Variants in AKAP6 observed in about 807,000 individuals in gnomAD.
AKAP6 encodes the protein A-kinase anchor protein 6.
In AKAP6, 58 loss-of-function variants were observed where a neutral mutation model predicts 188.5. The ratio of observed to expected loss-of-function variants is 0.31; its 90% CI spans 0.25 to 0.38. AKAP6 has a LOEUF of 0.38. Ranked by LOEUF, AKAP6 falls within the 10% of genes least tolerant of loss-of-function variation. The probability of loss-of-function intolerance (pLI) is 1.00; values close to 1 mark genes in which losing one functional copy is unlikely to be tolerated. For missense variants in AKAP6, 2,710 were observed against 2,740.0 expected (o/e 0.99, Z 0.24); for synonymous variants, 989 against 998.6 (o/e 0.99, Z 0.18).
intron 2 of AKAP6, chr14:32,484,948 G>A: frequency 4.6e-6 from 1 of 217,508 alleles, no homozygotes; most frequent in Non-Finnish European, 6.7e-6. Flanking sequence ...GGCTTCTCCC[G>A]CCTTTTTTTC....
At chr14:32,455,313 A>G (rs1891115995) in intron 2 of AKAP6, among the ~76,000 whole-genome samples, 1 of 152,108 alleles carries the variant, frequency 6.6e-6, no homozygotes, top group Non-Finnish European at 1.5e-5. Flanking sequence ...GATAATACAC[A>G]TATTTAGGTC....
At chr14:32,772,000 C>T (rs2139987537) in intron 11 of AKAP6, among the ~76,000 whole-genome samples, 1 of 151,996 alleles carries the variant, frequency 6.6e-6, no homozygotes, top group South Asian at 2.1e-4. Flanking sequence ...TTTGACTTGC[C>T]CAACAGTCGT....
At chr14:32,817,485 C>G (rs5006079) in intron 12 of AKAP6, among the ~76,000 whole-genome samples, 2,800 of 113,572 alleles carry the variant, frequency 0.025, 35 homozygotes, top group Non-Finnish European at 0.036. Flanking sequence ...GTGTGTGTGT[C>G]TGTGTTTGTG....
At chr14:32,704,652 C>T (rs1407928692) in intron 9 of AKAP6, among the ~76,000 whole-genome samples, 1 of 151,938 alleles carries the variant, frequency 6.6e-6, no homozygotes, top group East Asian at 1.9e-4. Context: ...ACTTTACAGA[C>T]AGCTATGGTA....
intron 1 of AKAP6, among the ~76,000 whole-genome samples, chr14:32,348,884 T>G (rs1214497613): frequency 6.6e-6 from 1 of 152,196 alleles, no homozygotes; most frequent in Non-Finnish European, 1.5e-5. Flanking sequence ...TATTCTTGTG[T>G]GCTGAGGCCA....
At chr14:32,460,505 C>T (rs1165909847) in intron 2 of AKAP6, among the ~76,000 whole-genome samples, 1 of 152,158 alleles carries the variant, frequency 6.6e-6, no homozygotes, top group African/African-American at 2.4e-5. Context: ...CCTCCCCCAG[C>T]CAAGAGAAGC....
Position 32,577,279 on chromosome 14 carries a change from A to G in AKAP6, c.2469+37A>G, listed in dbSNP as rs764030532. ...TGTGTTGTTCTTGCTGTCAATAATC[A>G]AAGGATTTTAATGTACTGCTTGTTT... On this transcript the variant is annotated intron_variant, in intron 5 of 13. Coordinates refer to ENST00000280979, the MANE Select transcript of AKAP6 (RefSeq NM_004274.5). 4.4e-6 allele frequency: 7 copies of G among 1,593,500 alleles called. No individual in the cohort carries two copies. The East Asian group carries it at 1.1e-4, about 26-fold the overall frequency.
At chr14:32,814,703 A>G (rs1222855259) in intron 12 of AKAP6, among the ~76,000 whole-genome samples, 1 of 152,104 alleles carries the variant, frequency 6.6e-6, no homozygotes, top group East Asian at 1.9e-4. Context: ...TTTTTCCTTC[A>G]GATCACTCAG....
chr14:32,385,029 T>C (rs1314225720), intron 1 of AKAP6: 1 of 152,052 alleles, frequency 6.6e-6, no homozygotes, highest in Non-Finnish European at 1.5e-5. Context: ...AGGAGCAAAT[T>C]TGAAATGATA....
chr14:32,575,991 G>T (rs556364014), intron 4 of AKAP6, among the ~76,000 whole-genome samples: 10 of 151,896 alleles, frequency 6.6e-5, no homozygotes, highest in Non-Finnish European at 1.5e-4. Flanking sequence ...TTTTTCTCAT[G>T]ATTTTTTTTG....
intron 4 of AKAP6, among the ~76,000 whole-genome samples, chr14:32,570,124 C>CTTTTTTTT (rs60851991): frequency 4.0e-5 from 3 of 74,846 alleles, no homozygotes; most frequent in Non-Finnish European, 7.0e-5. Context: ...TGTGTGGGAA[C>CTTTTTTTT]TTTTTTTTTT....
intron 7 of AKAP6, among the ~76,000 whole-genome samples, chr14:32,677,228 G>A (rs543863046): frequency 1.7e-4 from 26 of 152,218 alleles, no homozygotes; most frequent in African/African-American, 6.0e-4. Context: ...CTCCGTAGTC[G>A]AGGCTATAAA....
intron 1 of AKAP6, among the ~76,000 whole-genome samples, chr14:32,415,792 C>G (rs978616492): frequency 6.6e-6 from 1 of 152,144 alleles, no homozygotes; most frequent in Non-Finnish European, 1.5e-5. Context: ...TAGTATTTAT[C>G]TTTTTGTGAC....
At chr14:32,685,450 G>A (rs1056088342) in intron 8 of AKAP6, among the ~76,000 whole-genome samples, 3 of 151,818 alleles carry the variant, frequency 2.0e-5, no homozygotes, top group Admixed American at 6.6e-5. Flanking sequence ...GGCCGGGTGC[G>A]GTGGGATTAC....
At chr14:32,751,498 C>CTTA (rs1555359200) in intron 11 of AKAP6, among the ~76,000 whole-genome samples, 2 of 122,526 alleles carry the variant, frequency 1.6e-5, no homozygotes, top group East Asian at 4.8e-4. Context: ...TCTCTTTTCA[C>CTTA]TTTTTTTTTT....
At chr14:32,404,580 A>T (rs1231356049) in intron 1 of AKAP6, among the ~76,000 whole-genome samples, 1 of 150,608 alleles carries the variant, frequency 6.6e-6, no homozygotes, top group Non-Finnish European at 1.5e-5. Flanking sequence ...CATTTCCATG[A>T]TCCTCAGAGC....
chr14:32,465,077 AG>A (rs1878328210), intron 2 of AKAP6, among the ~76,000 whole-genome samples: 1 of 152,226 alleles, frequency 6.6e-6, no homozygotes, highest in African/African-American at 2.4e-5. Context: ...CCACTGCTCA[AG>A]GAAACAAGAT....
chr14:32,540,190 A>T (rs868316813), intron 3 of AKAP6, among the ~76,000 whole-genome samples: 89 of 128,240 alleles, frequency 6.9e-4, no homozygotes, highest in Non-Finnish European at 8.9e-4. Context: ...ATATATATAT[A>T]TATTTTAATT....
At chr14:32,701,203 AT>A (rs1157762519) in intron 9 of AKAP6, among the ~76,000 whole-genome samples, 2 of 152,192 alleles carry the variant, frequency 1.3e-5, no homozygotes, top group Admixed American at 6.5e-5. Flanking sequence ...TAATATAAAT[AT>A]TTTAAAAACA....
Sources: gnomAD v4.1 joint callset for allele counts (sites outside exome capture counted in the v4.1 genomes callset) on GRCh38, gnomAD v4.1.1 for gene constraint, MANE v1.5 for transcripts, NCBI Gene and HGNC (gene_info 2026-07-23, HGNC 2026-07-21) for gene names.